Variants in NINL observed in about 807,000 individuals in gnomAD.
The protein encoded by NINL is ninein like.
In NINL, 153 loss-of-function variants were observed where a neutral mutation model predicts 160.3. The ratio of observed to expected loss-of-function variants is 0.95; its 90% CI spans 0.84 to 1.09. NINL has a LOEUF of 1.09. Among genes scored for constraint, NINL ranks in the 50% least tolerant of loss-of-function variants. The pLI, the probability that NINL is intolerant of heterozygous loss-of-function variation, is 0.00. For missense variants in NINL, 1,829 were observed against 1,764.0 expected, an observed-to-expected ratio of 1.04 and a Z score of -0.66; for synonymous variants, 800 against 734.8, an observed-to-expected ratio of 1.09 and a Z score of -1.43.
intron 3 of NINL, among the ~76,000 whole-genome samples, chr20:25,515,533 G>A (rs377580055): frequency 6.6e-6 from 1 of 152,176 alleles, no homozygotes; most frequent in Non-Finnish European, 1.5e-5. Context: ...AGGCATGATT[G>A]TGTTTTGAAA....
intron 16 of NINL, 33 bp downstream of exon 16, chr20:25,478,890 C>T (rs1568879414): frequency 2.7e-6 from 4 of 1,484,664 alleles, no homozygotes; most frequent in Middle Eastern, 2.2e-4. Context: ...CAAGAAACCC[C>T]AGACTTGAAA....
intron 1 of NINL, among the ~76,000 whole-genome samples, chr20:25,531,750 G>A (rs2064468130): frequency 6.6e-6 from 1 of 152,172 alleles, no homozygotes; most frequent in African/African-American, 2.4e-5. Context: ...GAAGGTCCAG[G>A]AGGGCTTCCC....
rs186388600 is a variant in NINL, at chr20:25,455,640, G to A, written c.3957+33C>T. On this transcript the variant is annotated intron_variant, in intron 23 of 23. Transcript: ENST00000278886. ...AAGTGGAGAGCGTTCAGAAGAGGACGTGAACACGAAAGCAGCAGCGCCCAT... is the reference window on the plus strand; with the variant it reads ...AAGTGGAGAGCGTTCAGAAGAGGACATGAACACGAAAGCAGCAGCGCCCAT... The A allele has an allele frequency of 5.4e-6, 8 of 1,491,082 alleles. No individual in the cohort carries two copies. In the African/African-American group the frequency reaches 5.5e-5, roughly 10 times the overall value. The allele number at this position is 1,491,082 out of a possible 1,614,324, so 92.4% of individuals were successfully genotyped here.
At chr20:25,548,090 G>A (rs1480267443) in intron 1 of NINL, among the ~76,000 whole-genome samples, 2 of 152,170 alleles carry the variant, frequency 1.3e-5, no homozygotes, top group Admixed American at 6.5e-5. Flanking sequence ...CTTCCCCAAG[G>A]TTCCTGCCCT....
At position 25,505,061 on chromosome 20, in the gene NINL, C is replaced by A. The variant is rs983197835; in HGVS notation, c.535G>T (p.Asp179Tyr). The change falls in exon 6 of 24, where the codon GAT becomes TAT. Residue 179 changes from aspartate to tyrosine, a missense_variant. Asp to Tyr is a radical substitution (Grantham distance 160). Transcript: ENST00000278886. ...TGGGGGCTCCCAAAGTCCTCAGAAT[C>A]CCAGGTCTGCAGCTGTCCTGAAGCA... ...FEAQGQLQTW[D>Y]SEDFGSPQKS... 2.5e-6 allele frequency: 4 copies of A among 1,597,428 alleles called. No individual in the cohort carries two copies. The highest frequency in any genetic ancestry group is 3.4e-6 in the Non-Finnish European group (4 of 1,170,860).
chr20:25,532,395 A>C (rs934879517), intron 1 of NINL, among the ~76,000 whole-genome samples: 2 of 152,260 alleles, frequency 1.3e-5, no homozygotes, highest in African/African-American at 4.8e-5. Flanking sequence ...TCTGGCAAAC[A>C]GCGGTCCCCT....
chr20:25,573,522 T>C (rs1165870648), intron 1 of NINL, among the ~76,000 whole-genome samples: 1 of 152,142 alleles, frequency 6.6e-6, no homozygotes. Flanking sequence ...CCTGAACATT[T>C]GGGGTTTCTA....
rs1346434031 is a variant in NINL, at chr20:25,462,374, G to A, written c.3582+9C>T. The A allele has an allele frequency of 1.5e-6, 2 of 1,343,162 alleles. No homozygotes were observed. Among genetic ancestry groups the A allele is most frequent in the Middle Eastern group, 2.3e-4 (1 of 4,436 alleles). The allele number at this position is 1,343,162 out of a possible 1,614,324, so 83.2% of individuals were successfully genotyped here. ...TCCAGCTCAGCTCCCTGCGGCTGAG[G>A]CCACCCACCTGCTGCTGCCCACTGC... On this transcript the variant is annotated intron_variant, in intron 20 of 23. Coordinates refer to ENST00000278886, the MANE Select transcript of NINL (RefSeq NM_025176.6).
At chr20:25,467,534 T>C in intron 18 of NINL, 76 bp from the exon 19 acceptor site, 2 of 1,133,054 alleles carry the variant, frequency 1.8e-6, no homozygotes, top group Non-Finnish European at 2.7e-6. Context: ...GCACCCAGGG[T>C]AAGAGCAGCA....
At chr20:25,453,773 G>A in intron 23 of NINL, 131 bp from the exon 24 acceptor site, 2 of 761,084 alleles carry the variant, frequency 2.6e-6, no homozygotes, top group African/African-American at 1.8e-5. Context: ...ACCCAAGGCC[G>A]GGGGCAGTGG....
intron 1 of NINL, among the ~76,000 whole-genome samples, chr20:25,532,947 A>C (rs2064493098): frequency 6.6e-6 from 1 of 152,134 alleles, no homozygotes; most frequent in African/African-American, 2.4e-5. Flanking sequence ...GGCAGTTGGA[A>C]ACCCTGGCCA....
At chr20:25,579,294 G>A (rs1204105804) in intron 1 of NINL, among the ~76,000 whole-genome samples, 1 of 152,148 alleles carries the variant, frequency 6.6e-6, no homozygotes, top group Non-Finnish European at 1.5e-5. Flanking sequence ...TGTGTGAGAT[G>A]GGGGCAACAG....
At chr20:25,534,533 G>A (rs1037676309) in intron 1 of NINL, among the ~76,000 whole-genome samples, 3 of 152,118 alleles carry the variant, frequency 2.0e-5, no homozygotes, top group Non-Finnish European at 2.9e-5. Flanking sequence ...CACAAACCTA[G>A]GCCACAAGCA....
chr20:25,557,111 T>C (rs1348234344), intron 1 of NINL, among the ~76,000 whole-genome samples: 1 of 152,222 alleles, frequency 6.6e-6, no homozygotes, highest in East Asian at 1.9e-4. Context: ...TTTAAACAGG[T>C]GAATTATATG....
intron 19 of NINL, among the ~76,000 whole-genome samples, chr20:25,463,058 G>A (rs1356898281): frequency 1.3e-5 from 2 of 152,170 alleles, no homozygotes; most frequent in Non-Finnish European, 2.9e-5. Flanking sequence ...GTCTGGCAAT[G>A]TCTCCAGGTA....
chr20:25,537,716 G>A (rs1280109420), intron 1 of NINL, among the ~76,000 whole-genome samples: 1 of 152,168 alleles, frequency 6.6e-6, no homozygotes, highest in African/African-American at 2.4e-5. Flanking sequence ...TGCAGGTGGA[G>A]GGTGGCTGTG....
intron 1 of NINL, among the ~76,000 whole-genome samples, chr20:25,555,208 A>G (rs2064852142): frequency 6.6e-6 from 1 of 152,164 alleles, no homozygotes; most frequent in South Asian, 2.1e-4. Flanking sequence ...CTGGACATCA[A>G]CTTGTGTCCA....
At chr20:25,463,236 C>T (rs955364236) in intron 19 of NINL, among the ~76,000 whole-genome samples, 4 of 152,232 alleles carry the variant, frequency 2.6e-5, no homozygotes, top group Non-Finnish European at 5.9e-5. Flanking sequence ...ATGCCATGAC[C>T]GTCCAAACCA....
rs199671123 is a variant in NINL at position 25,476,905 on chromosome 20, C to T, written c.2386G>A (p.Ala796Thr). ...KLQPCASEKR[A>T]QMCVSLALEE... ...AGGGCCAACGATACGCACATCTGGG[C>T]GCGCTTCTCGCTCGCACAGGGCTGC... Residue 796 changes from alanine (A) to threonine (T), a missense_variant, in exon 17 of 24, where the codon GCC (alanine) becomes ACC (threonine). Coordinates refer to ENST00000278886, the MANE Select transcript of NINL (RefSeq NM_025176.6). 131 of 1,612,972 alleles carry T rather than the reference C, an allele frequency of 8.1e-5. 1 individual carries two copies. The East Asian group carries it at 2.7e-3, about 33-fold the overall frequency.
Sources: gnomAD v4.1 joint callset for allele counts (sites outside exome capture counted in the v4.1 genomes callset) on GRCh38, gnomAD v4.1.1 for gene constraint, MANE v1.5 for transcripts, NCBI Gene and HGNC (gene_info 2026-07-23, HGNC 2026-07-21) for gene names.